CA10: variants seen among roughly 807,000 people sequenced by gnomAD.
CA10 encodes carbonic anhydrase 10 (inactive).
In CA10, 14 loss-of-function variants were observed where a neutral mutation model predicts 44.2. The observed-to-expected ratio is 0.32, with a 90% confidence interval of 0.21 to 0.50. CA10 has a LOEUF of 0.50. CA10 is among the 20% of genes least tolerant of loss of function. The pLI is 0.99. For synonymous variants in CA10, 159 were observed against 141.6 expected (o/e 1.12, Z -0.87); for missense variants, 350 against 409.7 (o/e 0.85, Z 1.26).
At chr17:51,829,177 A>C (rs1004642820) in intron 3 of CA10, among the ~76,000 whole-genome samples, 57 of 152,236 alleles carry the variant, frequency 3.7e-4, no homozygotes, top group African/African-American at 1.2e-3. Context: ...GTTTACAGAA[A>C]AACGTTTGCC....
chr17:52,114,925 G>C (rs58456405), intron 1 of CA10, among the ~76,000 whole-genome samples: 20,637 of 152,184 alleles, frequency 0.14, 1,686 homozygotes, highest in East Asian at 0.41. Flanking sequence ...ATCCACTGGG[G>C]CCCCCTAATG....
At chr17:52,091,455 CAAG>C (rs1417276308) in intron 1 of CA10, among the ~76,000 whole-genome samples, 1 of 152,118 alleles carries the variant, frequency 6.6e-6, no homozygotes, top group African/African-American at 2.4e-5. Flanking sequence ...TAGATGGGAG[CAAG>C]AAAGCCCAAA....
chr17:51,908,665 C>T (rs1567881004), intron 3 of CA10, among the ~76,000 whole-genome samples: 1 of 152,154 alleles, frequency 6.6e-6, no homozygotes, highest in Non-Finnish European at 1.5e-5. Flanking sequence ...GCTAAGTATA[C>T]TGACCACATT....
At chr17:51,898,728 C>CTCA (rs1776880537) in intron 3 of CA10, among the ~76,000 whole-genome samples, 1 of 152,056 alleles carries the variant, frequency 6.6e-6, no homozygotes, top group Non-Finnish European at 1.5e-5. Flanking sequence ...AATTTCAGAA[C>CTCA]TCATTCTTGG....
intron 2 of CA10, among the ~76,000 whole-genome samples, chr17:51,979,277 A>G (rs561986174): frequency 6.6e-6 from 1 of 152,298 alleles, no homozygotes; most frequent in East Asian, 1.9e-4. Context: ...ATATCTGACA[A>G]AGAACTTGTA....
At chr17:51,981,611 G>T (rs906487339) in intron 2 of CA10, among the ~76,000 whole-genome samples, 3 of 151,834 alleles carry the variant, frequency 2.0e-5, no homozygotes, top group African/African-American at 7.3e-5. Flanking sequence ...ATTTACACTT[G>T]TCAAAATTCA....
intron 3 of CA10, among the ~76,000 whole-genome samples, chr17:51,805,897 A>G (rs1051914165): frequency 3.3e-5 from 5 of 152,210 alleles, no homozygotes; most frequent in Non-Finnish European, 7.3e-5. Context: ...AATGAGGAAG[A>G]CAGTGGTGAA....
chr17:51,976,161 A>G (rs1039939272), intron 2 of CA10, among the ~76,000 whole-genome samples: 5 of 152,212 alleles, frequency 3.3e-5, no homozygotes, highest in African/African-American at 9.7e-5. Flanking sequence ...TCAAACTCTC[A>G]AAGTTTCTAA....
chr17:51,731,153 T>C (rs1470933866), intron 4 of CA10, among the ~76,000 whole-genome samples: 1 of 151,918 alleles, frequency 6.6e-6, no homozygotes, highest in Non-Finnish European at 1.5e-5. Context: ...CCAAGGTGGG[T>C]AGATCATGAG....
intron 3 of CA10, among the ~76,000 whole-genome samples, chr17:51,773,281 T>C (rs1905681196): frequency 6.6e-6 from 1 of 152,216 alleles, no homozygotes; most frequent in South Asian, 2.1e-4. Context: ...GACTCAAGTA[T>C]GGATCCTTTA....
At chr17:51,722,975 A>T (rs1479280570) in intron 4 of CA10, among the ~76,000 whole-genome samples, 1 of 152,180 alleles carries the variant, frequency 6.6e-6, no homozygotes, top group Non-Finnish European at 1.5e-5. Flanking sequence ...TCTAGGGTTT[A>T]CCATCCCCCG....
chr17:51,727,430 T>G (rs1409429110), intron 4 of CA10, among the ~76,000 whole-genome samples: 1 of 152,080 alleles, frequency 6.6e-6, no homozygotes, highest in Non-Finnish European at 1.5e-5. Context: ...TGAAGTTTCT[T>G]TTGTCTCAGA....
intron 4 of CA10, among the ~76,000 whole-genome samples, chr17:51,654,968 T>C (rs982745700): frequency 1.3e-5 from 2 of 152,142 alleles, no homozygotes; most frequent in Non-Finnish European, 2.9e-5. Flanking sequence ...AACAGTTTAG[T>C]GTACATCCTT....
chr17:52,035,251 G>A (rs536372616), intron 2 of CA10, among the ~76,000 whole-genome samples: 2 of 152,298 alleles, frequency 1.3e-5, no homozygotes, highest in African/African-American at 4.8e-5. Flanking sequence ...CTGGATGTCA[G>A]AGAGCAGCAG....
At chr17:52,069,968 G>T (rs889855093) in intron 2 of CA10, among the ~76,000 whole-genome samples, 1 of 152,148 alleles carries the variant, frequency 6.6e-6, no homozygotes, top group South Asian at 2.1e-4. Flanking sequence ...TAACTTTATA[G>T]TCAAGTAATA....
At chr17:51,729,203 C>T (rs559832793) in intron 4 of CA10, among the ~76,000 whole-genome samples, 2 of 152,278 alleles carry the variant, frequency 1.3e-5, no homozygotes, top group Admixed American at 1.3e-4. Context: ...TCAAACACAC[C>T]AAGCACACTC....
Position 51,752,111 on chromosome 17 carries a change from A to G in CA10, c.280-4293T>C, listed in dbSNP as rs1478277796. The stretch of plus-strand genomic sequence containing the variant: ...CCCCTTTTCCCCACTCTTCCCATAG[A>G]TACCGAAATAACATTAATTTGTATT... On this transcript the variant is annotated intron_variant, in intron 3 of 8. Coordinates refer to ENST00000451037, the MANE Select transcript of CA10 (RefSeq NM_020178.5). Among the ~76,000 whole-genome samples the G allele has an allele frequency of 3.9e-5, 6 of 152,070 alleles. No homozygotes were observed. In the East Asian group the frequency reaches 1.2e-3, roughly 29 times the overall value.
At chr17:51,789,564 T>C (rs1317660653) in intron 3 of CA10, among the ~76,000 whole-genome samples, 1 of 152,190 alleles carries the variant, frequency 6.6e-6, no homozygotes, top group African/African-American at 2.4e-5. Flanking sequence ...GCTCACCACC[T>C]GCTGCCTCTG....
chr17:51,869,392 T>G (rs879425040), intron 3 of CA10, among the ~76,000 whole-genome samples: 2 of 152,176 alleles, frequency 1.3e-5, no homozygotes, highest in African/African-American at 2.4e-5. Context: ...GGGGCTGAGT[T>G]GCTAGGCCTC....
Sources: allele counts gnomAD v4.1 joint callset (sites outside exome capture counted in the v4.1 genomes callset), GRCh38; gene constraint gnomAD v4.1.1; transcripts MANE v1.5; gene names NCBI Gene and HGNC (gene_info 2026-07-23, HGNC 2026-07-21).